ERBIN: variants seen among roughly 807,000 people sequenced by gnomAD.
The protein encoded by ERBIN is densin-180-like protein.
A neutral mutation model predicts 158.4 loss-of-function variants in ERBIN; 60 were observed. The ratio of observed to expected loss-of-function variants is 0.38; its 90% CI spans 0.31 to 0.47. The LOEUF (loss-of-function observed/expected upper bound fraction) is 0.47. Among genes scored for constraint, ERBIN ranks in the 20% least tolerant of loss-of-function variants. The pLI, the probability that ERBIN is intolerant of heterozygous loss-of-function variation, is 0.99. For missense variants in ERBIN, 1,610 were observed against 1,648.0 expected, an observed-to-expected ratio of 0.98 and a Z score of 0.40; for synonymous variants, 594 against 557.2, an observed-to-expected ratio of 1.07 and a Z score of -0.93.
chr5:66,021,108 ACCAATGAGAAGG>A (rs936717305), intron 7 of ERBIN, among the ~76,000 whole-genome samples: 78 of 152,124 alleles, frequency 5.1e-4, no homozygotes, highest in Non-Finnish European at 8.4e-4. Flanking sequence ...AAATGAAAAG[ACCAATGAGAAGG>A]CAAAATAAGA....
At chr5:65,975,613 C>G (rs1187521053) in intron 1 of ERBIN, among the ~76,000 whole-genome samples, 2 of 152,112 alleles carry the variant, frequency 1.3e-5, no homozygotes, top group Admixed American at 1.3e-4. Context: ...GCTAGATTGT[C>G]TATTGAATTT....
chr5:66,029,730 G>A (rs949722673), intron 14 of ERBIN, among the ~76,000 whole-genome samples: 5 of 151,912 alleles, frequency 3.3e-5, no homozygotes, highest in African/African-American at 1.2e-4. Flanking sequence ...TCAGCCTCCC[G>A]AGTAGCTGGG....
Position 66,018,487 on chromosome 5 carries a change from T to TTATAATA in ERBIN, c.534-2831_534-2830insATATATA, listed in dbSNP as rs1561380406. On this transcript the variant is annotated intron_variant, in intron 7 of 25. Transcript: ENST00000284037. ...TATAATATATATTATATATTATATA[T>TTATAATA]TATATTATATAATATATATTATATA... is the stretch of plus-strand genomic sequence containing the variant. 2.0e-3 allele frequency among the ~76,000 whole-genome samples: 13 copies of TTATAATA among 6,588 alleles called. 3 individuals are homozygous for TTATAATA. Among genetic ancestry groups the TTATAATA allele is most frequent in the Non-Finnish European group, 3.3e-3 (12 of 3,676 alleles). 4.3% of individuals were successfully genotyped at this position (6,588 alleles called of 152,430 possible).
At chr5:65,982,703 A>G (rs181569022) in intron 1 of ERBIN, among the ~76,000 whole-genome samples, 97 of 152,314 alleles carry the variant, frequency 6.4e-4, no homozygotes, top group African/African-American at 2.3e-3. Flanking sequence ...GTTGGTGAGA[A>G]TGTAATTGGA....
chr5:65,932,685 G>A (rs964925032), intron 1 of ERBIN, among the ~76,000 whole-genome samples: 4 of 152,282 alleles, frequency 2.6e-5, no homozygotes, highest in African/African-American at 9.6e-5. Context: ...CTGGGAGAGT[G>A]TTGAAGCTTG....
chr5:66,072,538 A>G (rs1356853385), intron 22 of ERBIN, among the ~76,000 whole-genome samples: 1 of 152,184 alleles, frequency 6.6e-6, no homozygotes, highest in Non-Finnish European at 1.5e-5. Flanking sequence ...TTTCTGTTAT[A>G]TAGTACCACC....
intron 1 of ERBIN, among the ~76,000 whole-genome samples, chr5:65,936,434 T>A (rs1744091639): frequency 6.6e-6 from 1 of 152,150 alleles, no homozygotes; most frequent in Admixed American, 6.5e-5. Flanking sequence ...GAAGATTTAG[T>A]TTATTGTCTT....
intron 5 of ERBIN, among the ~76,000 whole-genome samples, chr5:66,013,206 G>C (rs1754389004): frequency 6.6e-6 from 1 of 152,308 alleles, no homozygotes; most frequent in South Asian, 2.1e-4. Context: ...TTTGAATTGA[G>C]AGTAGATAAG....
At chr5:65,927,532 A>G (rs1040748496) in intron 1 of ERBIN, among the ~76,000 whole-genome samples, 2 of 152,230 alleles carry the variant, frequency 1.3e-5, no homozygotes, top group Admixed American at 1.3e-4. Context: ...GACTAAGAAT[A>G]GGGAGAGATA....
At chr5:66,059,583 G>A (rs1369329857) in intron 21 of ERBIN, among the ~76,000 whole-genome samples, 1 of 152,196 alleles carries the variant, frequency 6.6e-6, no homozygotes, top group East Asian at 1.9e-4. Context: ...TGTTGAATAG[G>A]AGTGGTGAGA....
At chr5:66,048,038 G>A (rs10042290) in intron 18 of ERBIN, among the ~76,000 whole-genome samples, 2,638 of 151,996 alleles carry the variant, frequency 0.017, 80 homozygotes, top group African/African-American at 0.061. Context: ...TTTCACCTGT[G>A]TTTTGGAAAA....
chr5:65,991,550 GTTTAAT>G (rs1446980017), intron 2 of ERBIN, among the ~76,000 whole-genome samples: 1 of 151,966 alleles, frequency 6.6e-6, no homozygotes, highest in Non-Finnish European at 1.5e-5. Context: ...GATTTTTTTG[GTTTAAT>G]TTTATCTTAG....
intron 8 of ERBIN, among the ~76,000 whole-genome samples, chr5:66,022,111 A>G (rs1232881365): frequency 6.6e-6 from 1 of 152,056 alleles, no homozygotes; most frequent in African/African-American, 2.4e-5. Context: ...ACTGCTTGCT[A>G]TAGTATTGCC....
chr5:66,001,449 T>G (rs571549052), intron 4 of ERBIN, among the ~76,000 whole-genome samples: 2 of 152,322 alleles, frequency 1.3e-5, no homozygotes, highest in Admixed American at 1.3e-4. Flanking sequence ...TGTGATAGTT[T>G]CTGATTTTTT....
intron 4 of ERBIN, among the ~76,000 whole-genome samples, chr5:66,008,476 T>C (rs188823842): frequency 6.6e-6 from 1 of 152,166 alleles, no homozygotes; most frequent in Admixed American, 6.5e-5. Flanking sequence ...GATCCAAGCA[T>C]TAATTTCCAC....
At chr5:66,033,103 T>C (rs1179344347) in intron 14 of ERBIN, among the ~76,000 whole-genome samples, 1 of 152,204 alleles carries the variant, frequency 6.6e-6, no homozygotes, top group Non-Finnish European at 1.5e-5. Flanking sequence ...TATTTAAAAA[T>C]TTCTAACCTT....
intron 7 of ERBIN, among the ~76,000 whole-genome samples, chr5:66,018,124 T>C (rs1754992880): frequency 1.3e-5 from 2 of 152,052 alleles, no homozygotes; most frequent in South Asian, 4.2e-4. Context: ...TTCAACTTTG[T>C]TCTTTTTGCT....
At chr5:66,040,348 T>C (rs1757805043) in intron 15 of ERBIN, among the ~76,000 whole-genome samples, 1 of 151,936 alleles carries the variant, frequency 6.6e-6, no homozygotes, top group African/African-American at 2.4e-5. Context: ...TTCTATTCTA[T>C]CATTGAAATT....
At chr5:65,949,505 C>G (rs1007490549) in intron 1 of ERBIN, among the ~76,000 whole-genome samples, 1 of 152,198 alleles carries the variant, frequency 6.6e-6, no homozygotes, top group Non-Finnish European at 1.5e-5. Flanking sequence ...GATATGAGTG[C>G]TGCTGTCAGA....
Sources: gnomAD v4.1 joint callset for allele counts (sites outside exome capture counted in the v4.1 genomes callset) on GRCh38, gnomAD v4.1.1 for gene constraint, MANE v1.5 for transcripts, NCBI Gene and HGNC (gene_info 2026-07-23, HGNC 2026-07-21) for gene names.